Variants in AP2S1 observed in about 807,000 individuals in gnomAD.
AP2S1 encodes the protein AP-2 complex subunit sigma.
Under a neutral mutation model 21.0 loss-of-function variants are expected in AP2S1, and 6 were observed. The ratio of observed to expected loss-of-function variants is 0.29; its 90% confidence interval spans 0.16 to 0.56. AP2S1 has a LOEUF of 0.56. Among genes scored for constraint, AP2S1 ranks in the 20% least tolerant of loss-of-function variants. The probability of loss-of-function intolerance (pLI) is 0.92; values close to 1 mark genes in which losing one functional copy is unlikely to be tolerated. For missense variants in AP2S1, 60 were observed against 186.2 expected (o/e 0.32, Z 3.95); for synonymous variants, 63 against 74.6 (o/e 0.84, Z 0.80).
At chr19:46,850,630 C>A (rs2122819454) in intron 1 of AP2S1, 134 bp downstream of exon 1, 1 of 880,442 alleles carries the variant, frequency 1.1e-6, no homozygotes, top group East Asian at 2.9e-5. Context: ...CTGGATCGGT[C>A]CCAATCCCCA....
intron 3 of AP2S1, among the ~76,000 whole-genome samples, 179 bp downstream of exon 3, chr19:46,839,286 C>CAAAAAAAAAAAAAA (rs771792607): frequency 3.8e-4 from 28 of 72,918 alleles, no homozygotes; most frequent in East Asian, 1.2e-3. Flanking sequence ...GACTCCGTCT[C>CAAAAAAAAAAAAAA]AAAAAAAAAA....
chr19:46,844,524 G>A (rs541421818), intron 2 of AP2S1, among the ~76,000 whole-genome samples: 3 of 152,260 alleles, frequency 2.0e-5, no homozygotes, highest in South Asian at 2.1e-4. Context: ...CTGGCTGGGC[G>A]CAGTGGCTCA....
In AP2S1 at chr19:46,850,753, T is replaced by C. The variant is rs772626569; in HGVS notation, c.3+11A>G. The C allele has an allele frequency of 1.3e-6, 2 of 1,578,842 alleles. No individual in the cohort carries two copies. The highest frequency in any genetic ancestry group is 1.7e-5 in the Admixed American group (1 of 58,696). On this transcript the variant is annotated intron_variant, in intron 1 of 4. Transcript: ENST00000263270. Reference sequence around the variant, plus strand: ...CCTCCGCCAGTCCCCGGCGTAGCGCTCCCCCGTTACCATGGCGACCCCCGT... The same window carrying C: ...CCTCCGCCAGTCCCCGGCGTAGCGCCCCCCCGTTACCATGGCGACCCCCGT...
At chr19:46,841,879 G>A (rs2055528047) in intron 2 of AP2S1, among the ~76,000 whole-genome samples, 1 of 152,224 alleles carries the variant, frequency 6.6e-6, no homozygotes, top group African/African-American at 2.4e-5. Flanking sequence ...CGGGAGGCGG[G>A]ACAGTGCGAG....
intron 1 of AP2S1, among the ~76,000 whole-genome samples, chr19:46,846,403 C>T (rs1048052856): frequency 2.0e-5 from 3 of 151,746 alleles, no homozygotes; most frequent in Non-Finnish European, 4.4e-5. Context: ...TCCAGGGCCC[C>T]GAGTCCCAGG....
chr19:46,838,292 G>A lies in AP2S1; in HGVS notation c.*155C>T. 1 of 656,684 alleles carries A rather than the reference G, an allele frequency of 1.5e-6. No individual in the cohort carries two copies. The highest frequency in any genetic ancestry group is 2.7e-6 in the Non-Finnish European group (1 of 375,598). 40.7% of individuals were successfully genotyped at this position (656,684 alleles called of 1,614,324 possible). On this transcript the variant is annotated 3_prime_UTR_variant, in exon 5 of 5. Coordinates refer to ENST00000263270, the MANE Select transcript of AP2S1 (RefSeq NM_004069.6). This position sits in a 1 kb window ranked among gnomAD's most constrained non-coding sequence, Gnocchi z 4.1. ...CCCACAGCCAGGGCCCAGAGGCAGT[G>A]GGGTGCAGTCTCCTCCCTTGTGGCC...
At chr19:46,846,452 T>G (rs1450892452) in intron 1 of AP2S1, among the ~76,000 whole-genome samples, 2 of 146,344 alleles carry the variant, frequency 1.4e-5, no homozygotes, top group African/African-American at 5.1e-5. Context: ...TTTTTTTTTT[T>G]TTTTTTTTTT....
rs111373526 is a variant in AP2S1 at position 46,838,582 on chromosome 19, C to T, written c.328-34G>A. The T allele has an allele frequency of 1.2e-4, 192 of 1,609,074 alleles. 1 individual carries two copies. The African/African-American group carries it at 2.0e-3, about 17-fold the overall frequency. ...GGGGAGACCCTGGGGTGAGACGAGGCCCCCCAGGATGCTGGCCCGGACCCT... is the reference window on the plus strand; with the variant it reads ...GGGGAGACCCTGGGGTGAGACGAGGTCCCCCAGGATGCTGGCCCGGACCCT... On this transcript the variant is annotated intron_variant, in intron 4 of 4. Coordinates refer to ENST00000263270, the MANE Select transcript of AP2S1 (RefSeq NM_004069.6). This position sits in a 1 kb window ranked among gnomAD's most constrained non-coding sequence, Gnocchi z 4.1.
At chr19:46,847,241 T>C (rs927588955) in intron 1 of AP2S1, among the ~76,000 whole-genome samples, 5 of 152,020 alleles carry the variant, frequency 3.3e-5, no homozygotes, top group African/African-American at 9.7e-5. Context: ...ACCACTTTTT[T>C]TTTTTTTTTT....
rs1351712544 is a variant in AP2S1, at chr19:46,849,009, C to G, written c.3+1755G>C. Among the ~76,000 whole-genome samples the G allele has an allele frequency of 1.1e-4, 10 of 92,560 alleles. 1 individual carries two copies. Among genetic ancestry groups the G allele is most frequent in the African/African-American group, 4.6e-4 (10 of 21,666 alleles). The allele number at this position is 92,560 out of a possible 152,430, so 60.7% of individuals were successfully genotyped here. On this transcript the variant is annotated intron_variant, in intron 1 of 4. Transcript: ENST00000263270. The stretch of plus-strand genomic sequence containing the variant: ...TACAGGCGCGAGTCACTGTGCCCAG[C>G]CTTTTTTTTTTTTTTTTTTTTGAGA...
intron 2 of AP2S1, among the ~76,000 whole-genome samples, chr19:46,842,721 C>T (rs1422942183): frequency 6.6e-6 from 1 of 152,202 alleles, no homozygotes; most frequent in Non-Finnish European, 1.5e-5. Context: ...CCCAGTTCCT[C>T]TCCCCCTTCC....
intron 2 of AP2S1, among the ~76,000 whole-genome samples, chr19:46,844,222 C>A (rs1030301339): frequency 6.6e-6 from 1 of 151,938 alleles, no homozygotes. Context: ...AACTTTTCTA[C>A]GGCTCCCATC....
rs376406557 is a variant in AP2S1, at chr19:46,843,293, C to T, written c.153+2700G>A. Among the ~76,000 whole-genome samples, 8 of 152,316 alleles carry T rather than the reference C, an allele frequency of 5.3e-5. No individual in the cohort carries two copies. In the South Asian group the frequency reaches 1.7e-3, roughly 32 times the overall value. ...CTCCCACCTGGACCACTGCAGCCAC[C>T]TCTCTCCGAGCAGTCTCCTCTATGC... On this transcript the variant is annotated intron_variant, in intron 2 of 4. Transcript: ENST00000263270.
chr19:46,847,831 G>A (rs547361855), intron 1 of AP2S1, among the ~76,000 whole-genome samples: 9 of 152,202 alleles, frequency 5.9e-5, no homozygotes, highest in Admixed American at 2.0e-4. Context: ...GCCGTACTTC[G>A]GGCATTTGGG....
At chr19:46,845,429 T>G (rs2055614213) in intron 2 of AP2S1, among the ~76,000 whole-genome samples, 1 of 150,028 alleles carries the variant, frequency 6.7e-6, no homozygotes, top group Non-Finnish European at 1.5e-5. Flanking sequence ...AATTAATTAA[T>G]TAATTAATTA....
chr19:46,839,621 C>T (rs1395964438), intron 2 of AP2S1, 43 bp from the exon 3 acceptor site: 1 of 1,613,786 alleles, frequency 6.2e-7, no homozygotes, highest in South Asian at 1.1e-5. Context: ...TTGCCAGGAC[C>T]TAACGTGCCA....
chr19:46,847,957 A>G (rs986133761), intron 1 of AP2S1, among the ~76,000 whole-genome samples: 1 of 152,184 alleles, frequency 6.6e-6, no homozygotes, highest in East Asian at 1.9e-4. Flanking sequence ...TTGCTGGCTC[A>G]TAGGGTAACG....
chr19:46,841,101 G>A (rs575506193), intron 2 of AP2S1, among the ~76,000 whole-genome samples: 39 of 152,010 alleles, frequency 2.6e-4, no homozygotes, highest in African/African-American at 8.9e-4. Context: ...ATACAGGTGT[G>A]CACCACCACG....
At chr19:46,843,288 G>A (rs1031310161) in intron 2 of AP2S1, among the ~76,000 whole-genome samples, 1 of 152,162 alleles carries the variant, frequency 6.6e-6, no homozygotes, top group Admixed American at 6.6e-5. Context: ...GACCACTGCA[G>A]CCACCTCTCT....
Sources: gnomAD v4.1 joint callset for allele counts (sites outside exome capture counted in the v4.1 genomes callset) on GRCh38, gnomAD v4.1.1 for gene constraint, Gnocchi (gnomAD v3.1) non-coding constraint, MANE v1.5 for transcripts, NCBI Gene and HGNC (gene_info 2026-07-23, HGNC 2026-07-21) for gene names.